MED12: variants seen among roughly 807,000 people sequenced by gnomAD.
The protein encoded by MED12 is mediator complex subunit 12.
A neutral mutation model predicts 177.7 loss-of-function variants in MED12; 10 were observed. The ratio of observed to expected loss-of-function variants is 0.06; its 90% CI spans 0.03 to 0.10. MED12 has a LOEUF of 0.10. Among genes scored for constraint, MED12 ranks in the 10% least tolerant of loss-of-function variants. The pLI is 1.00. For synonymous variants in MED12, 641 were observed against 678.4 expected (o/e 0.94, Z 0.86); for missense variants, 867 against 1,780.8 (o/e 0.49, Z 9.23).
chrX:71,128,919 TC>T, intron 24 of MED12, 194 bp from the exon 25 acceptor site: 1 of 572,741 alleles, frequency 1.7e-6, no homozygotes. Context: ...CTTTCCAATT[TC>T]TGACCCTTCA....
rs12843026 is a variant in MED12 at position 71,132,666 on chromosome X, A to G, written c.4415+128A>G. 266,958 of 924,928 alleles carry G rather than the reference A, an allele frequency of 0.29. 30,552 individuals carry two copies. Among genetic ancestry groups the G allele is most frequent in the Middle Eastern group, 0.42 (1,102 of 2,600 alleles). The allele number at this position is 924,928 out of a possible 1,213,427, so 76.2% of individuals were successfully genotyped here. A position where few individuals can be genotyped will look rare whatever the true frequency, so the allele number is the denominator to read the frequency against. The stretch of plus-strand genomic sequence containing the variant: ...GGAAAATCAGAGGATAAGAGTGGGC[A>G]TGGCTGAGCAAGAGGCTAGATCTTA... On this transcript the variant is annotated intron_variant, in intron 31 of 44. Coordinates refer to ENST00000374080, the MANE Select transcript of MED12 (RefSeq NM_005120.3).
intron 20 of MED12, 85 bp from the exon 21 acceptor site, chrX:71,127,251 G>T (rs1458852657): frequency 8.6e-7 from 1 of 1,168,305 alleles, no homozygotes; most frequent in Non-Finnish European, 1.2e-6. Context: ...GGTGGGAAAA[G>T]AATGGTATTT....
intron 36 of MED12, among the ~76,000 whole-genome samples, chrX:71,135,519 C>A (rs1373994166): frequency 9.0e-6 from 1 of 111,319 alleles, no homozygotes; most frequent in Non-Finnish European, 1.9e-5. Context: ...CCTCCTCTTT[C>A]CTCTGCTCCA....
rs758467351 is a variant in MED12, at chrX:71,122,528, G to A, written c.1269G>A (p.Glu423=). The part of the protein sequence containing the change: ...FTQQVRAKLR[E]IEQQIKERGQ... ...TGCAGGTCCGTGCAAAGTTGCGGGA[G>A]ATCGAGCAGCAGATCAAGGAGCGGG... The change falls in exon 9 of 45, where the codon GAG becomes GAA. Residue 423 remains glutamate, a synonymous_variant. Transcript: ENST00000374080. 8.3e-7 allele frequency: 1 copy of A among 1,211,902 alleles called. No individual in the cohort carries two copies. Among genetic ancestry groups the A allele is most frequent in the Non-Finnish European group, 1.1e-6 (1 of 895,374 alleles).
At chrX:71,125,630 T>C (rs1176723838) in intron 16 of MED12, 33 bp from the exon 17 acceptor site, 1 of 1,188,084 alleles carries the variant, frequency 8.4e-7, no homozygotes, top group Admixed American at 2.2e-5. Context: ...CTAGTCCTTT[T>C]GAAACTTCCC....
rs766087487 is a variant in MED12 at position 71,132,482 on chromosome X, G to A, written c.4359G>A (p.Lys1453=). 2.9e-5 allele frequency: 35 copies of A among 1,207,559 alleles called. No homozygotes were observed. In the South Asian group the frequency reaches 5.7e-4, roughly 20 times the overall value. ...VLKAAGEELE[K]GQHLGSSSRK... Reference sequence around the variant, plus strand: ...AGGCTGCTGGGGAAGAATTGGAGAAGGGTCAGCACCTGGGTTCCTCTTCAC... The same window carrying A: ...AGGCTGCTGGGGAAGAATTGGAGAAAGGTCAGCACCTGGGTTCCTCTTCAC... Residue 1453 remains lysine (K), a synonymous_variant, in exon 31 of 45, where the codon AAG becomes AAA. Transcript: ENST00000374080.
rs372816429 is a variant in MED12 at position 71,127,010 on chromosome X, C to T, written c.2727C>T (p.Leu909=). 1.1e-5 allele frequency: 13 copies of T among 1,211,529 alleles called. No homozygotes were observed. Among genetic ancestry groups the T allele is most frequent in the Non-Finnish European group, 1.3e-5 (12 of 895,034 alleles). The stretch of plus-strand genomic sequence containing the variant: ...GTGTAGTTGAGGCTGAGCTGCTTCT[C>T]AAATCCTCGGATCTGGTGGGCAGCT... The part of the protein sequence containing the change: ...ELSVVEAELL[L]KSSDLVGSYT... The change falls in exon 20 of 45, where the codon CTC becomes CTT. Residue 909 remains leucine (L), a synonymous_variant. Coordinates refer to ENST00000374080, the MANE Select transcript of MED12 (RefSeq NM_005120.3).
chrX:71,139,190 T>G (rs1310184238), intron 41 of MED12, among the ~76,000 whole-genome samples: 1 of 111,989 alleles, frequency 8.9e-6, no homozygotes, highest in Non-Finnish European at 1.9e-5. Flanking sequence ...AGGTAAAATG[T>G]GGATTGAGAA....
rs1170167377 is a variant in MED12, at chrX:71,122,557, A to G, written c.1298A>G (p.Gln433Arg). 5.0e-6 allele frequency: 6 copies of G among 1,209,890 alleles called. No individual in the cohort carries two copies. The highest frequency in any genetic ancestry group is 6.7e-6 in the Non-Finnish European group (6 of 894,886). The change falls in exon 9 of 45, where the codon CAG becomes CGG. Residue 433 changes from glutamine to arginine, a missense_variant. Transcript: ENST00000374080. ...EIEQQIKERG[Q>R]AVEVRWSFDK... is the part of the protein sequence containing the mutation. ...GAGCAGCAGATCAAGGAGCGGGGAC[A>G]GGCAGTTGAAGTTCGCTGGTCTTTC...
chrX:71,128,471 G>A (rs772681410), intron 23 of MED12, 31 bp downstream of exon 23: 1 of 1,210,748 alleles, frequency 8.3e-7, no homozygotes, highest in Non-Finnish European at 1.1e-6. Flanking sequence ...TTGCTAGTGG[G>A]GCAGTGACCA....
At chrX:71,121,913 G>A (rs946755767) in intron 7 of MED12, 97 bp downstream of exon 7, 1 of 1,132,806 alleles carries the variant, frequency 8.8e-7, no homozygotes, top group African/African-American at 1.8e-5. Flanking sequence ...ATTGGATGTG[G>A]GAGTAGGTGC....
At chrX:71,134,137 A>G (rs1474243843) in intron 33 of MED12, among the ~76,000 whole-genome samples, 1 of 106,328 alleles carries the variant, frequency 9.4e-6, no homozygotes, top group African/African-American at 3.4e-5. Context: ...AGGCTGAGGC[A>G]GGAGAATGGC....
intron 41 of MED12, 27 bp downstream of exon 41, chrX:71,137,970 A>G: frequency 8.5e-7 from 1 of 1,178,547 alleles, no homozygotes; most frequent in Non-Finnish European, 1.2e-6. Flanking sequence ...TGAGCTAGGA[A>G]GAGATGCAGA....
Position 71,131,597 on chromosome X carries a change from C to G in MED12, c.4095C>G (p.Leu1365=), listed in dbSNP as rs2092317624. ...TMRQSSLELQ[L]MIKQTPNNEM... is the part of the protein sequence containing the mutation. ...GCCAGTCTTCCTTGGAGCTGCAGCT[C>G]ATGATCAAGCAGACCCCTAACAATG... The change falls in exon 29 of 45, where the codon CTC becomes CTG. Residue 1365 remains leucine (L), a synonymous_variant. Coordinates refer to ENST00000374080, the MANE Select transcript of MED12 (RefSeq NM_005120.3). 2 of 1,210,941 alleles carry G rather than the reference C, an allele frequency of 1.7e-6. No individual in the cohort carries two copies. The highest frequency in any genetic ancestry group is 1.8e-5 in the South Asian group (1 of 56,910).
At chrX:71,125,915 C>G (rs1436884442) in intron 17 of MED12, 121 bp from the exon 18 acceptor site, 1 of 566,914 alleles carries the variant, frequency 1.8e-6, no homozygotes, top group African/African-American at 2.4e-5. Context: ...CCTTCCCTCC[C>G]TCCCTCCTTC....
intron 15 of MED12, 75 bp from the exon 16 acceptor site, chrX:71,125,276 G>A: frequency 8.3e-7 from 1 of 1,198,794 alleles, no homozygotes. Flanking sequence ...TGTGGATGCT[G>A]AGGGGTGTGG....
intron 36 of MED12, 81 bp from the exon 37 acceptor site, chrX:71,136,200 T>C (rs1201863373): frequency 1.8e-6 from 2 of 1,135,482 alleles, no homozygotes; most frequent in Non-Finnish European, 2.4e-6. Context: ...TATGACTTTC[T>C]TTCTACCCAT....
intron 41 of MED12, among the ~76,000 whole-genome samples, chrX:71,138,906 C>T (rs2092339592): frequency 8.9e-6 from 1 of 112,039 alleles, no homozygotes; most frequent in Admixed American, 9.5e-5. Context: ...CCATGGTTAA[C>T]GTTAGTCAAG....
At chrX:71,140,574 A>T (rs907161652) in intron 41 of MED12, 61 bp from the exon 42 acceptor site, 1 of 1,210,923 alleles carries the variant, frequency 8.3e-7, no homozygotes, top group Non-Finnish European at 1.1e-6. Flanking sequence ...CCCAAGGTTT[A>T]TACTGACCCC....
Sources: allele counts gnomAD v4.1 joint callset (sites outside exome capture counted in the v4.1 genomes callset), GRCh38; gene constraint gnomAD v4.1.1; transcripts MANE v1.5; gene names NCBI Gene and HGNC (gene_info 2026-07-23, HGNC 2026-07-21).